RPS14: variants seen among roughly 807,000 people sequenced by gnomAD.
RPS14 encodes the protein small ribosomal subunit protein uS11.
In RPS14, 1 loss-of-function variant was observed where a neutral mutation model predicts 15.4. That is an observed-to-expected ratio of 0.07 (90% confidence interval 0.02 to 0.31). The LOEUF (loss-of-function observed/expected upper bound fraction) is 0.31. RPS14 is among the 10% of genes least tolerant of loss of function. The pLI is 1.00. For synonymous variants in RPS14, 68 were observed against 74.4 expected (o/e 0.91, Z 0.44); for missense variants, 69 against 205.5 (o/e 0.34, Z 4.06).
rs1172617304 is a variant in RPS14, at chr5:150,443,233, C to T, written c.*1053G>A. ...CGTGCAGGTTTGTTACATATGTATA[C>T]ATGTGCCATGTTGGTGTGCTGCACC... On this transcript the variant is annotated 3_prime_UTR_variant, in exon 5 of 5. Transcript: ENST00000407193. 1 of 151,570 alleles carries T rather than the reference C, an allele frequency of 6.6e-6. No homozygotes were observed. Among genetic ancestry groups the T allele is most frequent in the Admixed American group, 6.6e-5 (1 of 15,196 alleles). The allele number at this position is 151,570 out of a possible 1,614,324, so 9.4% of individuals were successfully genotyped here.
intron 1 of RPS14, chr5:150,448,162 T>C (rs1367646112): frequency 6.3e-6 from 1 of 158,092 alleles, no homozygotes; most frequent in East Asian, 1.9e-4. Context: ...CAGCTTAGAA[T>C]TCAAGGGACC....
rs891476846 is a variant in RPS14, at chr5:150,446,118, C to T, written c.312-433G>A. Among the ~76,000 whole-genome samples the T allele has an allele frequency of 6.6e-6, 1 of 151,852 alleles. No individual in the cohort carries two copies. The highest frequency in any genetic ancestry group is 1.9e-4 in the East Asian group (1 of 5,166). On this transcript the variant is annotated intron_variant, in intron 3 of 4. Transcript: ENST00000407193. This position sits in a 1 kb window ranked among gnomAD's most constrained non-coding sequence, Gnocchi z 4.2. Reference sequence around the variant, plus strand: ...AAAGAGGAAAAAAAAAAAAGCCAGACAGTAAATATTTTAGGCTGAGGGGGC... The same window carrying T: ...AAAGAGGAAAAAAAAAAAAGCCAGATAGTAAATATTTTAGGCTGAGGGGGC...
In RPS14 at chr5:150,443,711, T is replaced by C. The variant is rs1771006339; in HGVS notation, c.*575A>G. On this transcript the variant is annotated 3_prime_UTR_variant, in exon 5 of 5. Transcript: ENST00000407193. The stretch of plus-strand genomic sequence containing the variant: ...GTGTCACTGGGTACTCAGAGCCGCA[T>C]GCAAGCTTCCGGAAAGCAAGAACTT... 6.6e-6 allele frequency: 1 copy of C among 152,242 alleles called. No individual in the cohort carries two copies. The highest frequency in any genetic ancestry group is 6.5e-5 in the Admixed American group (1 of 15,282). 9.4% of individuals were successfully genotyped at this position (152,242 alleles called of 1,614,324 possible).
intron 2 of RPS14, 88 bp downstream of exon 2, chr5:150,447,497 G>A: frequency 7.6e-7 from 1 of 1,321,326 alleles, no homozygotes; most frequent in Non-Finnish European, 1.1e-6. Flanking sequence ...CATTTCTTTA[G>A]AGAGAATCCC....
rs1581277998 is a variant in RPS14, at chr5:150,447,639, T to C, written c.95A>G (p.His32Arg). 9 of 1,614,130 alleles carry C rather than the reference T, an allele frequency of 5.6e-6. No individual in the cohort carries two copies. In the East Asian group the frequency reaches 1.3e-4, roughly 24 times the overall value. The part of the protein sequence containing the change: ...AEGENVFGVC[H>R]IFASFNDTFV... Reference sequence around the variant, plus strand: ...AGTGTCATTGAAGGATGCAAAGATATGGCAGACACCAAATACATTCTCTCC... The same window carrying C: ...AGTGTCATTGAAGGATGCAAAGATACGGCAGACACCAAATACATTCTCTCC... The change falls in exon 2 of 5, where the codon CAT becomes CGT. Residue 32 changes from histidine (H) to arginine (R), a missense_variant. By Grantham distance (29) the His-to-Arg change is conservative. Transcript: ENST00000407193.
chr5:150,446,873 A>G lies in RPS14; in HGVS notation c.240T>C (p.Asp80=). The change falls in exon 3 of 5, where the codon GAT becomes GAC. Residue 80 remains aspartate (D), a synonymous_variant. Coordinates refer to ENST00000407193, the MANE Select transcript of RPS14 (RefSeq NM_005617.4). This position sits in a 1 kb window ranked among gnomAD's most constrained non-coding sequence, Gnocchi z 4.2. ...CCAGCTCCTTGCACCTCTGGGCCAC[A>G]TCCTGGGCAGCCAACATAGCAGCAT... ...SPYAAMLAAQ[D]VAQRCKELGI... The G allele has an allele frequency of 6.2e-7, 1 of 1,614,184 alleles. No homozygotes were observed. The highest frequency in any genetic ancestry group is 8.5e-7 in the Non-Finnish European group (1 of 1,180,016).
Position 150,444,320 on chromosome 5 carries a change from C to A in RPS14, c.422G>T (p.Arg141Leu). ...GCGACCACGGCGACCCCCCTTCCTGCGAGTGCTGTCAGAGGGGATGGGGGT... is the reference window on the plus strand; with the variant it reads ...GCGACCACGGCGACCCCCCTTCCTGAGAGTGCTGTCAGAGGGGATGGGGGT... ...DVTPIPSDST[R>L]RKGGRRGRRL Residue 141 changes from arginine (R) to leucine (L), a missense_variant, in exon 5 of 5, where the codon CGC becomes CTC. Coordinates refer to ENST00000407193, the MANE Select transcript of RPS14 (RefSeq NM_005617.4). The A allele has an allele frequency of 6.2e-7, 1 of 1,610,368 alleles. No individual in the cohort carries two copies. The highest frequency in any genetic ancestry group is 8.5e-7 in the Non-Finnish European group (1 of 1,177,688).
chr5:150,447,515 G>C, intron 2 of RPS14, 70 bp downstream of exon 2: 1 of 1,484,576 alleles, frequency 6.7e-7, no homozygotes, highest in East Asian at 2.3e-5. Flanking sequence ...CCCCTGAACT[G>C]CTAGCCCGTC....
Position 150,446,654 on chromosome 5 carries a change from G to A in RPS14, c.311+148C>T. On this transcript the variant is annotated intron_variant, in intron 3 of 4. Transcript: ENST00000407193. This position sits in a 1 kb window ranked among gnomAD's most constrained non-coding sequence, Gnocchi z 4.2. ...GCTCAACACTGAGCTGCTGGGGGGT[G>A]TACACAGGAGCCAATTATTAAGTAT... 2.6e-6 allele frequency: 2 copies of A among 773,350 alleles called. No individual in the cohort carries two copies. The highest frequency in any genetic ancestry group is 3.6e-5 in the South Asian group (2 of 55,772). The allele number at this position is 773,350 out of a possible 1,614,324, so 47.9% of individuals were successfully genotyped here. A position where few individuals can be genotyped will look rare whatever the true frequency, so the allele number is the denominator to read the frequency against.
chr5:150,444,799 G>C (rs551576986), intron 4 of RPS14, among the ~76,000 whole-genome samples: 1 of 152,016 alleles, frequency 6.6e-6, no homozygotes, highest in Admixed American at 6.6e-5. Context: ...ACTGAGGCTG[G>C]TGGAACGCCT....
Position 150,442,638 on chromosome 5 carries a change from A to G in RPS14, c.*1648T>C, listed in dbSNP as rs1264131190. On this transcript the variant is annotated 3_prime_UTR_variant, in exon 5 of 5. Coordinates refer to ENST00000407193, the MANE Select transcript of RPS14 (RefSeq NM_005617.4). ...GCCAAAAGTAGGAAACCACTGGTAC[A>G]TTACTACTAGCTTTATTCCAGACTT... is the stretch of plus-strand genomic sequence containing the variant. 3.3e-5 allele frequency: 5 copies of G among 152,212 alleles called. No homozygotes were observed. Among genetic ancestry groups the G allele is most frequent in the Non-Finnish European group, 7.3e-5 (5 of 68,050 alleles). The allele number at this position is 152,212 out of a possible 1,614,324, so 9.4% of individuals were successfully genotyped here.
intron 4 of RPS14, 64 bp from the exon 5 acceptor site, chr5:150,444,417 T>C: frequency 2.2e-6 from 3 of 1,388,242 alleles, no homozygotes; most frequent in Non-Finnish European, 3.1e-6. Flanking sequence ...CAGGACTCCC[T>C]AGACCAATGG....
At position 150,446,705 on chromosome 5, in the gene RPS14, A is replaced by G; in HGVS notation, c.311+97T>C. The stretch of plus-strand genomic sequence containing the variant: ...GTATATGCCTAAAATATCTTGTTCA[A>G]GGTCACAACAAAAAACCCAAACCTC... On this transcript the variant is annotated intron_variant, in intron 3 of 4. Coordinates refer to ENST00000407193, the MANE Select transcript of RPS14 (RefSeq NM_005617.4). The surrounding 1 kb of genome is among the most constrained non-coding windows in gnomAD (Gnocchi z 4.2). The G allele has an allele frequency of 7.4e-7, 1 of 1,345,690 alleles. No individual in the cohort carries two copies. Among genetic ancestry groups the G allele is most frequent in the Non-Finnish European group, 1.0e-6 (1 of 966,250 alleles). The allele number at this position is 1,345,690 out of a possible 1,614,324, so 83.4% of individuals were successfully genotyped here.
Position 150,444,249 on chromosome 5 carries a change from G to T in RPS14, c.*37C>A, listed in dbSNP as rs762656983. On this transcript the variant is annotated 3_prime_UTR_variant, in exon 5 of 5. Transcript: ENST00000407193. ...TGGAGTTGAAACAGTTTACATGAAG[G>T]CAATTTATTAACAGAAAATATTTTG... 4.0e-5 allele frequency: 63 copies of T among 1,592,382 alleles called. No homozygotes were observed. Among genetic ancestry groups the T allele is most frequent in the South Asian group, 3.7e-4 (33 of 89,938 alleles).
intron 2 of RPS14, 56 bp downstream of exon 2, chr5:150,447,529 G>A: frequency 5.1e-6 from 8 of 1,568,066 alleles, no homozygotes; most frequent in Non-Finnish European, 7.0e-6. Flanking sequence ...GCCCGTCCCA[G>A]CCATTGCCTT....
chr5:150,444,270 T>C lies in RPS14; in HGVS notation c.*16A>G. 2 of 1,603,728 alleles carry C rather than the reference T, an allele frequency of 1.2e-6. No individual in the cohort carries two copies. The highest frequency in any genetic ancestry group is 1.1e-5 in the South Asian group (1 of 90,378). ...GAAGGCAATTTATTAACAGAAAATATTTTGAGGAATCTTGTTCACAGACGG... is the reference window on the plus strand; with the variant it reads ...GAAGGCAATTTATTAACAGAAAATACTTTGAGGAATCTTGTTCACAGACGG... On this transcript the variant is annotated 3_prime_UTR_variant, in exon 5 of 5. Coordinates refer to ENST00000407193, the MANE Select transcript of RPS14 (RefSeq NM_005617.4).
In RPS14 at chr5:150,445,670, T is replaced by C. The variant is rs974696026; in HGVS notation, c.327A>G (p.Gly109=). The change falls in exon 4 of 5, where the codon GGA becomes GGG. Residue 109 remains glycine (G), a synonymous_variant. Transcript: ENST00000407193. ...ATGGNRTKTP[G]PGAQSALRAL... ...CTCTGAGGGCCGACTGGGCCCCAGGTCCAGGGGTCTTGGTCCTAGAAAATG... is the reference window on the plus strand; with the variant it reads ...CTCTGAGGGCCGACTGGGCCCCAGGCCCAGGGGTCTTGGTCCTAGAAAATG... 11 of 1,609,332 alleles carry C rather than the reference T, an allele frequency of 6.8e-6. No individual in the cohort carries two copies. The African/African-American group carries it at 1.3e-4, about 20-fold the overall frequency.
rs556613716 is a variant in RPS14 at position 150,446,798 on chromosome 5, G to A, written c.311+4C>T. 36 of 1,613,530 alleles carry A rather than the reference G, an allele frequency of 2.2e-5. No individual in the cohort carries two copies. Among genetic ancestry groups the A allele is most frequent in the South Asian group, 3.3e-5 (3 of 91,032 alleles). ...CACCCAGCCATCCCCTCTGCGACTC[G>A]TACCTATTTCCTCCTGTGGCCCGGA... On this transcript the variant is annotated splice_donor_region_variant and intron_variant, in intron 3 of 4. Transcript: ENST00000407193. This position sits in a 1 kb window ranked among gnomAD's most constrained non-coding sequence, Gnocchi z 4.2.
rs935190072 is a variant in RPS14 at position 150,444,105 on chromosome 5, G to T, written c.*181C>A. Reference sequence around the variant, plus strand: ...GGCAACTTAATGCCGCAAGTAGCATGGAAAAGACCCCAAATGCAGCACCAG... The same window carrying T: ...GGCAACTTAATGCCGCAAGTAGCATTGAAAAGACCCCAAATGCAGCACCAG... On this transcript the variant is annotated 3_prime_UTR_variant, in exon 5 of 5. Coordinates refer to ENST00000407193, the MANE Select transcript of RPS14 (RefSeq NM_005617.4). 2 of 922,616 alleles carry T rather than the reference G, an allele frequency of 2.2e-6. No homozygotes were observed. Among genetic ancestry groups the T allele is most frequent in the Middle Eastern group, 3.7e-4 (1 of 2,678 alleles). 57.2% of individuals were successfully genotyped at this position (922,616 alleles called of 1,614,324 possible). A position where few individuals can be genotyped will look rare whatever the true frequency, so the allele number is the denominator to read the frequency against.
Sources: allele counts gnomAD v4.1 joint callset (sites outside exome capture counted in the v4.1 genomes callset), GRCh38; gene constraint gnomAD v4.1.1; non-coding constraint Gnocchi (gnomAD v3.1); transcripts MANE v1.5; gene names NCBI Gene and HGNC (gene_info 2026-07-23, HGNC 2026-07-21).